Variants in TANC1 observed in about 807,000 individuals in gnomAD.
The protein encoded by TANC1 is protein TANC1.
In TANC1, 77 loss-of-function variants were observed where a neutral mutation model predicts 149.7. The ratio of observed to expected loss-of-function variants is 0.51; its 90% confidence interval spans 0.43 to 0.62. The LOEUF (loss-of-function observed/expected upper bound fraction) is 0.62, where lower values mean the gene tolerates loss of function less well. TANC1 is among the 20% of genes least tolerant of loss of function. TANC1 has a pLI of 0.00. For missense variants in TANC1, 1,985 were observed against 2,321.8 expected, an observed-to-expected ratio of 0.85 and a Z score of 2.98; for synonymous variants, 854 against 925.0, an observed-to-expected ratio of 0.92 and a Z score of 1.39.
At chr2:159,131,650 CTT>C (rs1380655827) in intron 4 of TANC1, among the ~76,000 whole-genome samples, 1 of 152,076 alleles carries the variant, frequency 6.6e-6, no homozygotes, top group African/African-American at 2.4e-5. Context: ...ACTGGTCTTT[CTT>C]TAATCTTTTT....
Position 159,036,052 on chromosome 2 carries a change from A to G in TANC1, c.-15-29844A>G, listed in dbSNP as rs759895138. Among the ~76,000 whole-genome samples the G allele has an allele frequency of 2.4e-4, 37 of 152,144 alleles. 1 individual carries two copies. Among genetic ancestry groups the G allele is most frequent in the Non-Finnish European group, 2.8e-4 (19 of 68,012 alleles). ...TTATACTTGTCTGTCGGTTGTGGTT[A>G]GGACAGATGAGGAGTCTCCCTTTTC... is the stretch of plus-strand genomic sequence containing the variant. On this transcript the variant is annotated intron_variant, in intron 2 of 26. Transcript: ENST00000263635.
At chr2:159,036,672 C>T (rs2040217438) in intron 2 of TANC1, among the ~76,000 whole-genome samples, 1 of 152,180 alleles carries the variant, frequency 6.6e-6, no homozygotes, top group South Asian at 2.1e-4. Flanking sequence ...ATCCATGTTC[C>T]TACAAAGGAC....
At chr2:159,195,984 T>G (rs6432514) in intron 17 of TANC1, among the ~76,000 whole-genome samples, 136,328 of 152,216 alleles carry the variant, frequency 0.9, 61,285 homozygotes, top group African/African-American at 0.98. Context: ...CCTTGAGGAG[T>G]AGGTGTGTGG....
chr2:159,073,740 A>G (rs1371055972), intron 3 of TANC1, among the ~76,000 whole-genome samples: 1 of 152,184 alleles, frequency 6.6e-6, no homozygotes, highest in East Asian at 1.9e-4. Context: ...AAAAAGTTTC[A>G]TCTTTGCTTT....
chr2:158,986,022 C>T (rs842063), intron 1 of TANC1, among the ~76,000 whole-genome samples: 32,908 of 152,056 alleles, frequency 0.22, 3,876 homozygotes, highest in South Asian at 0.43. Context: ...TATCATTTCT[C>T]TCCTGTTTGC....
At chr2:159,031,540 T>G (rs1312575262) in intron 2 of TANC1, among the ~76,000 whole-genome samples, 3 of 152,208 alleles carry the variant, frequency 2.0e-5, no homozygotes, top group South Asian at 2.1e-4. Flanking sequence ...ACAAAACAAA[T>G]TCCTCAATTT....
intron 3 of TANC1, among the ~76,000 whole-genome samples, chr2:159,087,753 A>G (rs2045085475): frequency 6.6e-6 from 1 of 151,520 alleles, no homozygotes; most frequent in African/African-American, 2.4e-5. Flanking sequence ...TTCACCAAAA[A>G]GGTACATTGA....
Position 159,169,385 on chromosome 2 carries a change from G to A in TANC1, c.1069+13G>A, listed in dbSNP as rs762990393. Reference sequence around the variant, plus strand: ...CAGGAAGTTAAAGGTATTTATCCTGGCATCAGCTGCGATAATGGTTATGAC... The same window carrying A: ...CAGGAAGTTAAAGGTATTTATCCTGACATCAGCTGCGATAATGGTTATGAC... On this transcript the variant is annotated intron_variant, in intron 9 of 26. Coordinates refer to ENST00000263635, the MANE Select transcript of TANC1 (RefSeq NM_033394.3). 2 of 1,612,578 alleles carry A rather than the reference G, an allele frequency of 1.2e-6. No individual in the cohort carries two copies. The highest frequency in any genetic ancestry group is 1.7e-6 in the Non-Finnish European group (2 of 1,179,320).
At chr2:159,224,510 C>A in intron 23 of TANC1, 146 bp downstream of exon 23, 1 of 878,600 alleles carries the variant, frequency 1.1e-6, no homozygotes, top group Non-Finnish European at 1.7e-6. Flanking sequence ...CACTTAATCA[C>A]CATTATACAC....
At chr2:159,100,431 T>C (rs942167393) in intron 4 of TANC1, among the ~76,000 whole-genome samples, 2 of 152,200 alleles carry the variant, frequency 1.3e-5, no homozygotes, top group African/African-American at 4.8e-5. Flanking sequence ...TTTTTGTCTT[T>C]TTTCAAGAAA....
chr2:159,127,357 TC>T (rs1435963390), intron 4 of TANC1, among the ~76,000 whole-genome samples: 1 of 152,198 alleles, frequency 6.6e-6, no homozygotes, highest in African/African-American at 2.4e-5. Flanking sequence ...TTTACACTGT[TC>T]CTGGGAATGT....
chr2:159,188,014 G>A (rs1171625959), intron 16 of TANC1, among the ~76,000 whole-genome samples: 1 of 152,098 alleles, frequency 6.6e-6, no homozygotes, highest in African/African-American at 2.4e-5. Context: ...TATAAACTTT[G>A]CTCTTTAACG....
chr2:159,081,962 T>TC (rs1167346742), intron 3 of TANC1, among the ~76,000 whole-genome samples: 1 of 152,182 alleles, frequency 6.6e-6, no homozygotes, highest in Non-Finnish European at 1.5e-5. Context: ...ATCAGGGTGC[T>TC]CCCCACCTGC....
chr2:159,222,054 G>T (rs781373614), intron 22 of TANC1, among the ~76,000 whole-genome samples: 5 of 152,142 alleles, frequency 3.3e-5, no homozygotes, highest in Non-Finnish European at 5.9e-5. Flanking sequence ...CTTTTAGAAG[G>T]CAGCGCTGTC....
chr2:159,157,942 C>G (rs2053604406), intron 7 of TANC1, among the ~76,000 whole-genome samples: 1 of 152,172 alleles, frequency 6.6e-6, no homozygotes, highest in African/African-American at 2.4e-5. Flanking sequence ...ACAAATCACT[C>G]TCTTCAGAGA....
Position 159,170,520 on chromosome 2 carries a change from G to A in TANC1, c.1070-4G>A. ...TTCTAAAATTTTTTTTTCTTCTTTT[G>A]AAGCACGATTTGCTCCCTACAAGCC... On this transcript the variant is annotated splice_polypyrimidine_tract_variant and splice_region_variant and intron_variant, in intron 9 of 26. Transcript: ENST00000263635. The A allele has an allele frequency of 6.5e-7, 1 of 1,549,934 alleles. No homozygotes were observed. Among genetic ancestry groups the A allele is most frequent in the Middle Eastern group, 1.7e-4 (1 of 5,752 alleles).
chr2:158,979,678 G>A (rs2034082564), intron 1 of TANC1, among the ~76,000 whole-genome samples: 1 of 152,114 alleles, frequency 6.6e-6, no homozygotes, highest in South Asian at 2.1e-4. Context: ...ATTTTCATGA[G>A]TCTTTGGAAA....
chr2:159,176,929 A>G (rs1341275479), intron 13 of TANC1, among the ~76,000 whole-genome samples: 1 of 3,482 alleles, frequency 2.9e-4, no homozygotes, highest in Non-Finnish European at 9.8e-4. Context: ...TTTTTTTTTG[A>G]GATAGAGTCT....
At chr2:158,993,013 T>C (rs1574007691) in intron 1 of TANC1, among the ~76,000 whole-genome samples, 1 of 152,312 alleles carries the variant, frequency 6.6e-6, no homozygotes, top group South Asian at 2.1e-4. Flanking sequence ...TTGGGGCTGG[T>C]ATGACCTCTT....
Sources: gnomAD v4.1 joint callset for allele counts (sites outside exome capture counted in the v4.1 genomes callset) on GRCh38, gnomAD v4.1.1 for gene constraint, MANE v1.5 for transcripts, NCBI Gene and HGNC (gene_info 2026-07-23, HGNC 2026-07-21) for gene names.